RBPJ: variants seen among roughly 807,000 people sequenced by gnomAD.
RBPJ encodes the protein recombination signal binding protein for immunoglobulin kappa J region.
A neutral mutation model predicts 67.8 loss-of-function variants in RBPJ; 9 were observed. The observed-to-expected ratio is 0.13, with a 90% confidence interval of 0.08 to 0.23. The LOEUF is 0.23. Ranked by LOEUF, RBPJ falls within the 10% of genes least tolerant of loss-of-function variation. The pLI is 1.00. For synonymous variants in RBPJ, 198 were observed against 203.3 expected (o/e 0.97, Z 0.22); for missense variants, 305 against 595.6 (o/e 0.51, Z 5.08).
At chr4:26,130,279 T>C in the RBPJ span, among the ~76,000 whole-genome samples, 182 of 152,302 alleles carry the variant, frequency 1.2e-3, 1 homozygote, top group Middle Eastern at 0.044. Context: ...CCTCGATAGA[T>C]ACAACACAGG....
the RBPJ span, among the ~76,000 whole-genome samples, chr4:26,133,032 C>T: frequency 1.3e-5 from 2 of 152,250 alleles, no homozygotes; most frequent in African/African-American, 4.8e-5. Context: ...AACCAGGTCA[C>T]ACCTGAGCTT....
At chr4:26,367,167 A>G (rs1265155759) in intron 1 of RBPJ, among the ~76,000 whole-genome samples, 1 of 151,682 alleles carries the variant, frequency 6.6e-6, no homozygotes, top group African/African-American at 2.4e-5. Context: ...AAATACAAAT[A>G]AAATGATGAT....
intron 1 of RBPJ, among the ~76,000 whole-genome samples, chr4:26,205,499 G>A (rs1437824860): frequency 6.6e-6 from 1 of 152,196 alleles, no homozygotes; most frequent in African/African-American, 2.4e-5. Context: ...TGGGAGCTGG[G>A]CGGCATGGCA....
intron 1 of RBPJ, among the ~76,000 whole-genome samples, chr4:26,278,032 C>T (rs1721140801): frequency 6.6e-6 from 1 of 152,130 alleles, no homozygotes; most frequent in Admixed American, 6.6e-5. Flanking sequence ...ATTTATTGAG[C>T]ACCTATTATG....
At chr4:26,333,775 G>A (rs1412622654) in intron 1 of RBPJ, among the ~76,000 whole-genome samples, 1 of 151,820 alleles carries the variant, frequency 6.6e-6, no homozygotes, top group Non-Finnish European at 1.5e-5. Flanking sequence ...CTGTAGCCTC[G>A]ACCTCCCAGG....
chr4:26,359,515 G>T lies in RBPJ; in HGVS notation c.21-26838G>T, dbSNP rs549670225. Among the ~76,000 whole-genome samples, 5 of 152,004 alleles carry T rather than the reference G, an allele frequency of 3.3e-5. No homozygotes were observed. The South Asian group carries it at 1.0e-3, about 32-fold the overall frequency. On this transcript the variant is annotated intron_variant, in intron 1 of 10. Coordinates refer to ENST00000355476, the MANE Select transcript of RBPJ (RefSeq NM_015874.6). ...CTTCCTCGGTTCTGGGCTCGGGTGG[G>T]GGTTCCCTTGGCAAACTGCAGGCCC...
chr4:26,107,895 C>T, the RBPJ span, among the ~76,000 whole-genome samples: 2 of 152,146 alleles, frequency 1.3e-5, no homozygotes, highest in African/African-American at 4.8e-5. Flanking sequence ...GAGACCCTGT[C>T]TCAAAAAAGA....
At chr4:26,270,736 C>G (rs1336070053) in intron 1 of RBPJ, among the ~76,000 whole-genome samples, 1 of 152,104 alleles carries the variant, frequency 6.6e-6, no homozygotes, top group Non-Finnish European at 1.5e-5. Flanking sequence ...AGAACTTTCC[C>G]TCTACCCTCT....
Position 26,275,789 on chromosome 4 carries a change from C to G in RBPJ, c.-166-86657C>G, listed in dbSNP as rs56251266. Among the ~76,000 whole-genome samples, 3 of 151,712 alleles carry G rather than the reference C, an allele frequency of 2.0e-5. No homozygotes were observed. The South Asian group carries it at 6.2e-4, about 31-fold the overall frequency. ...GGGACTACAGGCGTGCACCACCACA[C>G]CCAGCTACTTTTTTGTATTTTTAGT... On this transcript the variant is annotated intron_variant, in intron 1 of 4. Transcript: ENST00000512351.
chr4:26,305,548 AT>A (rs1428479008), intron 1 of RBPJ, among the ~76,000 whole-genome samples: 1 of 152,160 alleles, frequency 6.6e-6, no homozygotes, highest in African/African-American at 2.4e-5. Context: ...CTTTTTAAAA[AT>A]TTATACCTAA....
At chr4:26,369,739 C>T (rs1212420618) in intron 1 of RBPJ, among the ~76,000 whole-genome samples, 2 of 152,108 alleles carry the variant, frequency 1.3e-5, no homozygotes, top group African/African-American at 2.4e-5. Flanking sequence ...TACTCCATTG[C>T]TCTCTTTTAT....
intron 5 of RBPJ, 155 bp downstream of exon 5, chr4:26,420,880 C>T (rs759342615): frequency 6.3e-5 from 40 of 630,348 alleles, no homozygotes; most frequent in Middle Eastern, 3.0e-4. Context: ...AATCGTAAAT[C>T]GACAGTATGT....
chr4:26,311,123 C>T (rs1296139831), intron 1 of RBPJ, among the ~76,000 whole-genome samples: 11 of 152,158 alleles, frequency 7.2e-5, no homozygotes, highest in Non-Finnish European at 1.6e-4. Context: ...AACAGTAATA[C>T]TTTGAATTCT....
chr4:26,109,425 C>T, the RBPJ span, among the ~76,000 whole-genome samples: 10,939 of 22,682 alleles, frequency 0.48, 4,019 homozygotes, highest in South Asian at 0.54. Context: ...TCTCTCTCTC[C>T]CTCTCTCTCT....
chr4:26,220,634 G>C (rs1423255567), intron 1 of RBPJ, among the ~76,000 whole-genome samples: 1 of 152,172 alleles, frequency 6.6e-6, no homozygotes, highest in African/African-American at 2.4e-5. Flanking sequence ...AGAACTGAAG[G>C]ATTCAGACTG....
At chr4:26,141,647 T>C in the RBPJ span, among the ~76,000 whole-genome samples, 6 of 152,238 alleles carry the variant, frequency 3.9e-5, no homozygotes, top group South Asian at 4.1e-4. Flanking sequence ...TTCTTTGTGT[T>C]GGCAACATTC....
rs186902787 is a variant in RBPJ, at chr4:26,396,231, A to T, written c.59+9840A>T. Among the ~76,000 whole-genome samples the T allele has an allele frequency of 7.2e-5, 11 of 152,368 alleles. 1 individual carries two copies. Among genetic ancestry groups the T allele is most frequent in the African/African-American group, 2.6e-4 (11 of 41,588 alleles). On this transcript the variant is annotated intron_variant, in intron 2 of 10. Coordinates refer to ENST00000355476, the MANE Select transcript of RBPJ (RefSeq NM_015874.6). ...TGATCTGCTACATGAATAGTAATAC[A>T]TGAACTTTGCTGTTAGTCAACTAAT... is the stretch of plus-strand genomic sequence containing the variant.
chr4:26,316,258 T>C (rs933622756), upstream of RBPJ, among the ~76,000 whole-genome samples: 5 of 148,718 alleles, frequency 3.4e-5, no homozygotes, highest in Non-Finnish European at 5.9e-5. Flanking sequence ...TATATATATA[T>C]ATATATTCAT....
intron 2 of RBPJ, among the ~76,000 whole-genome samples, chr4:26,403,341 C>T (rs559146891): frequency 2.6e-5 from 4 of 151,860 alleles, no homozygotes; most frequent in African/African-American, 9.7e-5. Flanking sequence ...AACCATATAA[C>T]AATACTTCCC....
Sources: gnomAD v4.1 joint callset for allele counts (sites outside exome capture counted in the v4.1 genomes callset) on GRCh38, gnomAD v4.1.1 for gene constraint, MANE v1.5 for transcripts, NCBI Gene and HGNC (gene_info 2026-07-23, HGNC 2026-07-21) for gene names.